Variants in BASP1 observed in about 807,000 individuals in gnomAD.
The protein encoded by BASP1 is brain acid soluble protein 1.
In BASP1, 1 loss-of-function variant was observed where a neutral mutation model predicts 2.2. That is an observed-to-expected ratio of 0.46 (90% CI 0.16 to 2.17). BASP1 has a LOEUF of 2.17. Among genes scored for constraint, BASP1 ranks in the 30% most tolerant of loss-of-function variants. The pLI is 0.27. For missense variants in BASP1, 352 were observed against 327.2 expected (o/e 1.08, Z -0.58); for synonymous variants, 187 against 154.2 (o/e 1.21, Z -1.58).
intron 1 of BASP1, among the ~76,000 whole-genome samples, chr5:17,248,401 A>C (rs1291103824): frequency 6.6e-6 from 1 of 152,218 alleles, no homozygotes; most frequent in African/African-American, 2.4e-5. Context: ...TTTTATAATT[A>C]AAAATTTCCC....
At chr5:17,248,413 T>G (rs1043821677) in intron 1 of BASP1, among the ~76,000 whole-genome samples, 5 of 152,220 alleles carry the variant, frequency 3.3e-5, no homozygotes, top group Non-Finnish European at 5.9e-5. Context: ...AAATTTCCCC[T>G]GAATGTCAAT....
At chr5:17,261,019 A>T (rs1021895265) in intron 1 of BASP1, among the ~76,000 whole-genome samples, 3 of 152,172 alleles carry the variant, frequency 2.0e-5, no homozygotes, top group Admixed American at 2.0e-4. Context: ...CATCTCTAAA[A>T]ATTTTTTAAA....
intron 1 of BASP1, among the ~76,000 whole-genome samples, chr5:17,265,507 T>G (rs1289689146): frequency 6.6e-6 from 1 of 152,202 alleles, no homozygotes; most frequent in Non-Finnish European, 1.5e-5. Context: ...TGAGAGCTAT[T>G]TGGATGACCC....
rs1740627160 is a variant in BASP1 at position 17,275,540 on chromosome 5, G to A, written c.324G>A (p.Gln108=). The change falls in exon 2 of 2, where the codon CAG becomes CAA. Residue 108 remains glutamine, a synonymous_variant. Coordinates refer to ENST00000322611, the MANE Select transcript of BASP1 (RefSeq NM_006317.5). This position sits in a 1 kb window ranked among gnomAD's most constrained non-coding sequence, Gnocchi z 5.3. ...CCCCGAAGGCGCCCGAGCAGGAGCA[G>A]GCGGCCCCCGGCCCCGCTGCGGGCG... ...AEPPKAPEQE[Q]AAPGPAAGGE... 3.5e-6 allele frequency: 5 copies of A among 1,413,840 alleles called. No individual in the cohort carries two copies. Among genetic ancestry groups the A allele is most frequent in the Non-Finnish European group, 4.6e-6 (5 of 1,088,776 alleles). 87.6% of individuals were successfully genotyped at this position (1,413,840 alleles called of 1,614,324 possible). A position where few individuals can be genotyped will look rare whatever the true frequency, so the allele number is the denominator to read the frequency against.
At position 17,275,468 on chromosome 5, in the gene BASP1, G is replaced by A. The variant is rs1363945940; in HGVS notation, c.252G>A (p.Lys84=). 4.0e-6 allele frequency: 6 copies of A among 1,498,818 alleles called. No homozygotes were observed. In the Admixed American group the frequency reaches 1.5e-4, roughly 37 times the overall value. 92.8% of individuals were successfully genotyped at this position (1,498,818 alleles called of 1,614,324 possible). ...CGGCTGCCAAGGAGGAGGCCCCGAAGGCGGAGCCCGAGAAGACGGAGGGCG... is the reference window on the plus strand; with the variant it reads ...CGGCTGCCAAGGAGGAGGCCCCGAAAGCGGAGCCCGAGAAGACGGAGGGCG... ...DAAAAKEEAP[K]AEPEKTEGAA... The change falls in exon 2 of 2, where the codon AAG becomes AAA. Residue 84 remains lysine (K), a synonymous_variant. Transcript: ENST00000322611. The surrounding 1 kb of genome is among the most constrained non-coding windows in gnomAD (Gnocchi z 5.3).
At chr5:17,249,706 AT>A (rs558678980) in intron 1 of BASP1, among the ~76,000 whole-genome samples, 21 of 151,896 alleles carry the variant, frequency 1.4e-4, no homozygotes, top group Middle Eastern at 3.4e-3. Flanking sequence ...TTTAGACTCT[AT>A]TTTTTTTCTA....
At chr5:17,249,632 A>G (rs1016430601) in intron 1 of BASP1, among the ~76,000 whole-genome samples, 2 of 152,186 alleles carry the variant, frequency 1.3e-5, no homozygotes, top group Non-Finnish European at 2.9e-5. Context: ...AGTGCCACCA[A>G]AATACAAAAA....
intron 1 of BASP1, among the ~76,000 whole-genome samples, chr5:17,229,981 C>T (rs1466444520): frequency 6.6e-6 from 1 of 152,046 alleles, no homozygotes; most frequent in Non-Finnish European, 1.5e-5. Flanking sequence ...GATAGGGTTT[C>T]ACCATCTTGG....
intron 1 of BASP1, among the ~76,000 whole-genome samples, chr5:17,230,435 A>C (rs1285765407): frequency 1.3e-5 from 2 of 152,128 alleles, no homozygotes; most frequent in Non-Finnish European, 2.9e-5. Context: ...AGGCTAATGA[A>C]TTTTGGGGCC....
intron 1 of BASP1, among the ~76,000 whole-genome samples, chr5:17,218,755 C>A (rs1233187700): frequency 6.6e-6 from 1 of 151,530 alleles, no homozygotes; most frequent in Non-Finnish European, 1.5e-5. Context: ...CCCCGTCCCC[C>A]CTCCATTTCC....
chr5:17,261,338 T>G (rs1579498943), intron 1 of BASP1, among the ~76,000 whole-genome samples: 1 of 152,218 alleles, frequency 6.6e-6, no homozygotes, highest in Non-Finnish European at 1.5e-5. Flanking sequence ...ACTGTGGCAG[T>G]TCTTCAGCAT....
Position 17,245,829 on chromosome 5 carries a change from G to C in BASP1, c.-10+28019G>C, listed in dbSNP as rs116674099. On this transcript the variant is annotated intron_variant, in intron 1 of 1. Coordinates refer to ENST00000322611, the MANE Select transcript of BASP1 (RefSeq NM_006317.5). The stretch of plus-strand genomic sequence containing the variant: ...AAATACATTGCTCAGGATAACTCAG[G>C]GGGTAGCAGAAGCCCTGGGATTCAG... Among the ~76,000 whole-genome samples the C allele has an allele frequency of 3.2e-3, 481 of 152,210 alleles. 4 individuals carry two copies. Among genetic ancestry groups the C allele is most frequent in the African/African-American group, 0.011 (457 of 41,530 alleles).
chr5:17,254,457 G>A (rs960141068), intron 1 of BASP1, among the ~76,000 whole-genome samples: 4 of 152,160 alleles, frequency 2.6e-5, no homozygotes, highest in Admixed American at 2.0e-4. Context: ...GCTTTTGCCT[G>A]ACTTAGATGA....
intron 1 of BASP1, among the ~76,000 whole-genome samples, chr5:17,255,955 G>A (rs564967448): frequency 6.6e-6 from 1 of 152,300 alleles, no homozygotes; most frequent in Non-Finnish European, 1.5e-5. Flanking sequence ...CATGAAGGAG[G>A]CATGGGCTGA....
At chr5:17,270,870 G>T (rs1346761453) in intron 1 of BASP1, among the ~76,000 whole-genome samples, 1 of 152,198 alleles carries the variant, frequency 6.6e-6, no homozygotes, top group East Asian at 1.9e-4. Flanking sequence ...GAAACGGAAG[G>T]ACGATGAGAT....
intron 1 of BASP1, among the ~76,000 whole-genome samples, chr5:17,242,273 G>A (rs1332935176): frequency 6.6e-6 from 1 of 152,196 alleles, no homozygotes; most frequent in Non-Finnish European, 1.5e-5. Flanking sequence ...ATATATACCT[G>A]TGATGAGTGC....
At position 17,236,887 on chromosome 5, in the gene BASP1, A is replaced by G. The variant is rs1739757786; in HGVS notation, c.-10+19077A>G. 6.6e-6 allele frequency among the ~76,000 whole-genome samples: 1 copy of G among 152,214 alleles called. No homozygotes were observed. The highest frequency in any genetic ancestry group is 2.1e-4 in the South Asian group (1 of 4,832). The stretch of plus-strand genomic sequence containing the variant: ...AATTCTTAATAGGCAGTCGATGTAA[A>G]TAAAACAAAATTCTGTATATTTAAA... On this transcript the variant is annotated intron_variant, in intron 1 of 1. Transcript: ENST00000322611. The surrounding 1 kb of genome is among the most constrained non-coding windows in gnomAD (Gnocchi z 4.0).
At position 17,255,920 on chromosome 5, in the gene BASP1, C is replaced by G. The variant is rs139666084; in HGVS notation, c.-9-19288C>G. Among the ~76,000 whole-genome samples the G allele has an allele frequency of 5.4e-3, 820 of 152,282 alleles. 3 individuals are homozygous for G. The highest frequency in any genetic ancestry group is 9.4e-3 in the Non-Finnish European group (640 of 68,032). On this transcript the variant is annotated intron_variant, in intron 1 of 1. Coordinates refer to ENST00000322611, the MANE Select transcript of BASP1 (RefSeq NM_006317.5). ...ACGTCCTGCACACCAGAGTAGGTTTCTAGATAGGGAACTCAAGATACTCAC... is the reference window on the plus strand; with the variant it reads ...ACGTCCTGCACACCAGAGTAGGTTTGTAGATAGGGAACTCAAGATACTCAC...
intron 1 of BASP1, among the ~76,000 whole-genome samples, chr5:17,258,097 GGAGAGTA>G (rs1740249599): frequency 6.6e-6 from 1 of 152,150 alleles, no homozygotes; most frequent in East Asian, 1.9e-4. Context: ...ATTCTGATAG[GGAGAGTA>G]GGTCTGGGTC....
Sources: allele counts gnomAD v4.1 joint callset (sites outside exome capture counted in the v4.1 genomes callset), GRCh38; gene constraint gnomAD v4.1.1; non-coding constraint Gnocchi (gnomAD v3.1); transcripts MANE v1.5; gene names NCBI Gene and HGNC (gene_info 2026-07-23, HGNC 2026-07-21).